FAR2: variants seen among roughly 807,000 people sequenced by gnomAD.
FAR2 encodes the protein fatty acyl-CoA reductase 2, also known as epididymis secretory protein Li 81.
Under a neutral mutation model 56.0 loss-of-function variants are expected in FAR2, and 19 were observed. The observed-to-expected ratio is 0.34, with a 90% CI of 0.24 to 0.50. The LOEUF (loss-of-function observed/expected upper bound fraction) is 0.50. Among genes scored for constraint, FAR2 ranks in the 20% least tolerant of loss-of-function variants. The pLI is 0.98. For missense variants in FAR2, 508 were observed against 642.2 expected, an observed-to-expected ratio of 0.79 and a Z score of 2.26; for synonymous variants, 219 against 218.8, an observed-to-expected ratio of 1.00 and a Z score of -0.01.
intron 1 of FAR2, among the ~76,000 whole-genome samples, chr12:29,266,526 T>C (rs1948518976): frequency 6.6e-6 from 1 of 151,450 alleles, no homozygotes; most frequent in African/African-American, 2.4e-5. Context: ...TTGAAGGGAG[T>C]GGGTAATGGG....
intron 1 of FAR2, among the ~76,000 whole-genome samples, chr12:29,231,921 A>C (rs1284228195): frequency 6.6e-6 from 1 of 152,254 alleles, no homozygotes; most frequent in Non-Finnish European, 1.5e-5. Context: ...TTGTGGGAAC[A>C]CTGGGCACAG....
chr12:29,311,134 C>A lies in FAR2; in HGVS notation c.875C>A (p.Thr292Asn). ...CTCATGCTAGCTGTAGGATGGTATACTGCAGTTCACAGGTGTGGATGCTCA... is the reference window on the plus strand; with the variant it reads ...CTCATGCTAGCTGTAGGATGGTATAATGCAGTTCACAGGTGTGGATGCTCA... ...VNLMLAVGWY[T>N]AVHRPKSTLV... is the part of the protein sequence containing the mutation. The change falls in exon 7 of 12, where the codon ACT becomes AAT. Residue 292 changes from threonine to asparagine, a missense_variant. Physicochemically the swap from Thr to Asn is moderately conservative, Grantham distance 65. Coordinates refer to ENST00000536681, the MANE Select transcript of FAR2 (RefSeq NM_001271783.2). The A allele has an allele frequency of 6.2e-7, 1 of 1,612,186 alleles. No homozygotes were observed. Among genetic ancestry groups the A allele is most frequent in the Non-Finnish European group, 8.5e-7 (1 of 1,178,384 alleles).
chr12:29,159,972 T>C (rs750231231), intron 1 of FAR2, among the ~76,000 whole-genome samples: 2 of 152,234 alleles, frequency 1.3e-5, no homozygotes, highest in Non-Finnish European at 2.9e-5. Context: ...GCTATCTGTC[T>C]TTATTTCTGG....
chr12:29,195,187 CT>C, intron 1 of FAR2, among the ~76,000 whole-genome samples: 1 of 152,204 alleles, frequency 6.6e-6, no homozygotes, highest in Non-Finnish European at 1.5e-5. Flanking sequence ...CCTTCTTGCA[CT>C]TTAAACTGGG....
chr12:29,243,576 G>A (rs1013835848), intron 1 of FAR2, among the ~76,000 whole-genome samples: 2 of 152,140 alleles, frequency 1.3e-5, no homozygotes, highest in Non-Finnish European at 2.9e-5. Flanking sequence ...CTTGATCTCA[G>A]TGTTGGAGTC....
chr12:29,214,336 T>A (rs1259519856), intron 1 of FAR2, among the ~76,000 whole-genome samples: 4 of 152,158 alleles, frequency 2.6e-5, no homozygotes, highest in Non-Finnish European at 5.9e-5. Context: ...GAGAAAAAAA[T>A]TATTCACTCA....
intron 2 of FAR2, among the ~76,000 whole-genome samples, chr12:29,274,895 T>C (rs1948683020): frequency 6.6e-6 from 1 of 150,566 alleles, no homozygotes; most frequent in Admixed American, 6.6e-5. Context: ...CCAGGTGAAA[T>C]AAACAGCCTT....
intron 1 of FAR2, among the ~76,000 whole-genome samples, chr12:29,253,641 A>G (rs1005206046): frequency 2.0e-5 from 3 of 152,152 alleles, no homozygotes; most frequent in African/African-American, 7.2e-5. Context: ...CCAATCTTTT[A>G]TTTGTAAGCT....
chr12:29,272,675 T>C (rs1948638474), intron 2 of FAR2, among the ~76,000 whole-genome samples: 1 of 152,200 alleles, frequency 6.6e-6, no homozygotes, highest in Non-Finnish European at 1.5e-5. Context: ...GCATCCTTGA[T>C]GGAGAGATGT....
intron 1 of FAR2, among the ~76,000 whole-genome samples, chr12:29,183,661 C>A (rs1201019921): frequency 6.6e-6 from 1 of 152,344 alleles, no homozygotes; most frequent in Non-Finnish European, 1.5e-5. Flanking sequence ...TAACAGCAAT[C>A]AAATTTCATT....
intron 1 of FAR2, among the ~76,000 whole-genome samples, chr12:29,260,856 T>C (rs1183297991): frequency 2.0e-5 from 3 of 152,130 alleles, no homozygotes; most frequent in Non-Finnish European, 4.4e-5. Flanking sequence ...GGGAATTCTC[T>C]TGGATCTTAC....
chr12:29,243,309 T>C (rs190415754), intron 1 of FAR2, among the ~76,000 whole-genome samples: 4 of 152,334 alleles, frequency 2.6e-5, no homozygotes, highest in African/African-American at 7.2e-5. Context: ...TCACTGGAGA[T>C]AGCAATCTGG....
intron 4 of FAR2, among the ~76,000 whole-genome samples, chr12:29,307,358 A>C (rs1273805556): frequency 6.6e-6 from 1 of 152,166 alleles, no homozygotes; most frequent in Non-Finnish European, 1.5e-5. Flanking sequence ...ATCATTCGTA[A>C]TAAAGTAGTA....
chr12:29,155,557 C>A (rs1253593353), intron 1 of FAR2, among the ~76,000 whole-genome samples: 1 of 152,140 alleles, frequency 6.6e-6, no homozygotes, highest in Admixed American at 6.5e-5. Context: ...TTTGTTTATT[C>A]TTTGAACTAA....
At chr12:29,169,587 C>T (rs189216927) in intron 1 of FAR2, among the ~76,000 whole-genome samples, 56 of 152,300 alleles carry the variant, frequency 3.7e-4, no homozygotes, top group Non-Finnish European at 1.2e-4. Flanking sequence ...TGCCGGGCAG[C>T]GTTTCCTACT....
chr12:29,210,464 G>C (rs1054697658), intron 1 of FAR2, among the ~76,000 whole-genome samples: 3 of 152,068 alleles, frequency 2.0e-5, no homozygotes, highest in African/African-American at 7.2e-5. Flanking sequence ...GCCATAAGTG[G>C]CCAGCCATGT....
Position 29,312,600 on chromosome 12 carries a change from C to G in FAR2, c.955+650C>G, listed in dbSNP as rs112332411. On this transcript the variant is annotated intron_variant, in intron 8 of 11. Coordinates refer to ENST00000536681, the MANE Select transcript of FAR2 (RefSeq NM_001271783.2). ...AGATGATTCTTGATGCTTGGTGAAA[C>G]AGAGAAACCCTGTACTATACAAATG... 1.9e-3 allele frequency among the ~76,000 whole-genome samples: 289 copies of G among 152,160 alleles called. 1 individual carries two copies. The highest frequency in any genetic ancestry group is 6.8e-3 in the African/African-American group (281 of 41,502).
chr12:29,285,864 A>G (rs75187467), intron 2 of FAR2, among the ~76,000 whole-genome samples: 4,811 of 151,614 alleles, frequency 0.032, 100 homozygotes, highest in East Asian at 0.071. Context: ...GGTTGGAGTG[A>G]GCCGAGATCA....
In FAR2 at chr12:29,270,543, C is replaced by T. The variant is rs879057815; in HGVS notation, c.94C>T (p.Arg32Cys). The T allele has an allele frequency of 1.2e-5, 19 of 1,613,916 alleles. No homozygotes were observed. The highest frequency in any genetic ancestry group is 1.4e-5 in the Non-Finnish European group (17 of 1,179,936). Residue 32 changes from arginine to cysteine, a missense_variant, in exon 2 of 12, where the codon CGC becomes TGC. By Grantham distance (180) the Arg-to-Cys change is radical. Coordinates refer to ENST00000536681, the MANE Select transcript of FAR2 (RefSeq NM_001271783.2). ...LGKVLMEKLF[R>C]TSPDLKVIYI... Reference sequence around the variant, plus strand: ...CAAAGTGCTGATGGAGAAGCTGTTTCGCACCAGCCCAGACCTGAAAGTCAT... The same window carrying T: ...CAAAGTGCTGATGGAGAAGCTGTTTTGCACCAGCCCAGACCTGAAAGTCAT...
Sources: gnomAD v4.1 joint callset for allele counts (sites outside exome capture counted in the v4.1 genomes callset) on GRCh38, gnomAD v4.1.1 for gene constraint, MANE v1.5 for transcripts, NCBI Gene and HGNC (gene_info 2026-07-23, HGNC 2026-07-21) for gene names.